Variants in VTA1 observed in about 807,000 individuals in gnomAD.
VTA1 encodes the protein vesicle trafficking 1.
A neutral mutation model predicts 36.9 loss-of-function variants in VTA1; 24 were observed. The observed-to-expected ratio is 0.65, with a 90% CI of 0.47 to 0.91. VTA1 has a LOEUF of 0.91. VTA1 is among the 40% of genes least tolerant of loss of function. The pLI is 0.00. For missense variants in VTA1, 393 were observed against 377.2 expected, an observed-to-expected ratio of 1.04 and a Z score of -0.35; for synonymous variants, 142 against 130.2, an observed-to-expected ratio of 1.09 and a Z score of -0.62.
intron 4 of VTA1, among the ~76,000 whole-genome samples, chr6:142,173,102 G>A (rs1474256595): frequency 1.3e-5 from 2 of 152,234 alleles, no homozygotes; most frequent in East Asian, 1.9e-4. Context: ...AAAATTTGAG[G>A]TGCAAGTATG....
At chr6:142,174,335 C>T (rs775777456) in intron 4 of VTA1, among the ~76,000 whole-genome samples, 1 of 152,182 alleles carries the variant, frequency 6.6e-6, no homozygotes, top group East Asian at 1.9e-4. Flanking sequence ...AGTTTAATGT[C>T]TACTATGTTG....
At chr6:142,151,437 C>T (rs1337043515) in intron 1 of VTA1, among the ~76,000 whole-genome samples, 1 of 152,010 alleles carries the variant, frequency 6.6e-6, no homozygotes, top group East Asian at 1.9e-4. Flanking sequence ...AGAGCAAAAC[C>T]AAGAACAAAG....
At chr6:142,173,435 T>A (rs1775063732) in intron 4 of VTA1, among the ~76,000 whole-genome samples, 1 of 152,234 alleles carries the variant, frequency 6.6e-6, no homozygotes, top group African/African-American at 2.4e-5. Context: ...CATGCCTGGC[T>A]AATTTTTTGT....
At chr6:142,217,569 C>T (rs961798865) in intron 7 of VTA1, among the ~76,000 whole-genome samples, 6 of 150,920 alleles carry the variant, frequency 4.0e-5, no homozygotes, top group African/African-American at 7.3e-5. Context: ...TATACACACA[C>T]GCAGCATAAA....
At chr6:142,166,202 T>C (rs1774909870) in intron 1 of VTA1, 26 bp from the exon 2 acceptor site, 1 of 1,516,446 alleles carries the variant, frequency 6.6e-7, no homozygotes, top group Non-Finnish European at 9.1e-7. Flanking sequence ...ATGAAATTGT[T>C]CAAATTATCT....
At chr6:142,161,137 A>G in intron 1 of VTA1, among the ~76,000 whole-genome samples, 1 of 135,408 alleles carries the variant, frequency 7.4e-6, no homozygotes, top group African/African-American at 2.9e-5. Context: ...TTTGGAAAGT[A>G]GTTAGATATG....
At chr6:142,195,737 G>T (rs529709506) in intron 5 of VTA1, among the ~76,000 whole-genome samples, 4 of 150,226 alleles carry the variant, frequency 2.7e-5, no homozygotes, top group African/African-American at 9.8e-5. Flanking sequence ...GCAAATTTTG[G>T]TATCACTCAG....
intron 7 of VTA1, among the ~76,000 whole-genome samples, chr6:142,217,250 T>A (rs930601313): frequency 3.3e-5 from 5 of 152,170 alleles, no homozygotes; most frequent in African/African-American, 9.7e-5. Flanking sequence ...CTAGTAAGTA[T>A]ATGTGTATTT....
chr6:142,195,849 C>T (rs1385480530), intron 5 of VTA1, among the ~76,000 whole-genome samples: 2 of 151,850 alleles, frequency 1.3e-5, no homozygotes, highest in African/African-American at 2.4e-5. Context: ...TTGTAGATAT[C>T]TTACTGATTT....
At chr6:142,161,982 G>T (rs927410813) in intron 1 of VTA1, among the ~76,000 whole-genome samples, 4 of 152,054 alleles carry the variant, frequency 2.6e-5, no homozygotes, top group African/African-American at 9.7e-5. Context: ...ATGCTGAGAG[G>T]ATCCAATTCT....
intron 1 of VTA1, among the ~76,000 whole-genome samples, chr6:142,164,262 G>A (rs1259344092): frequency 6.6e-6 from 1 of 152,146 alleles, no homozygotes; most frequent in East Asian, 1.9e-4. Flanking sequence ...TTTGATCTGA[G>A]ATCAAATTAG....
At chr6:142,181,197 G>A (rs1465106606) in intron 4 of VTA1, among the ~76,000 whole-genome samples, 1 of 141,504 alleles carries the variant, frequency 7.1e-6, no homozygotes, top group East Asian at 2.0e-4. Context: ...GCAGTGGCGC[G>A]ATCTCACCTC....
At chr6:142,215,620 C>T (rs986548433) in intron 7 of VTA1, among the ~76,000 whole-genome samples, 4 of 152,050 alleles carry the variant, frequency 2.6e-5, no homozygotes, top group African/African-American at 9.7e-5. Context: ...GTGTTCCATC[C>T]AAGTCAAAGG....
At chr6:142,190,767 A>G (rs1417005797) in intron 5 of VTA1, among the ~76,000 whole-genome samples, 7 of 152,200 alleles carry the variant, frequency 4.6e-5, no homozygotes, top group Non-Finnish European at 1.0e-4. Context: ...AAATATTTTC[A>G]GTTTATGAAT....
intron 5 of VTA1, among the ~76,000 whole-genome samples, chr6:142,198,113 ATATATATGTGTGTGTGTG>A (rs1775595992): frequency 8.5e-6 from 1 of 116,970 alleles, no homozygotes; most frequent in African/African-American, 3.6e-5. Context: ...AAATATATAT[ATATATATGTGTGTGTGTG>A]TGTGTGTGTG....
intron 5 of VTA1, among the ~76,000 whole-genome samples, chr6:142,194,534 T>A (rs1775511525): frequency 6.6e-6 from 1 of 152,156 alleles, no homozygotes; most frequent in Non-Finnish European, 1.5e-5. Context: ...ATGAAATTAA[T>A]TTTTTAATTT....
rs3830800 is a variant in VTA1 at position 142,189,539 on chromosome 6, GTATT to G, written c.520+14_520+17del. On this transcript the variant is annotated splice_donor_region_variant and intron_variant, in intron 5 of 7. Transcript: ENST00000367630. ...TTGGAATTGAAGAAGATAATGGTAT[GTATT>G]TATTTATTCTGAGTAAAAGGACTTA... 0.47 allele frequency: 747,835 copies of G among 1,592,536 alleles called. 187,789 individuals are homozygous for G. The highest frequency in any genetic ancestry group is 0.55 in the Middle Eastern group (3,312 of 5,998).
At position 142,189,136 on chromosome 6, in the gene VTA1, A is replaced by G. The variant is rs112788727; in HGVS notation, c.412-290A>G. 7.8e-3 allele frequency among the ~76,000 whole-genome samples: 1,194 copies of G among 152,194 alleles called. 22 individuals carry two copies. The highest frequency in any genetic ancestry group is 0.027 in the African/African-American group (1,141 of 41,512). On this transcript the variant is annotated intron_variant, in intron 4 of 7. Coordinates refer to ENST00000367630, the MANE Select transcript of VTA1 (RefSeq NM_016485.5). Reference sequence around the variant, plus strand: ...TTCTCCCCTGTGCAGAAGAGTTGCAAATTTTGCTGGAAGGACACTCCTGTT... The same window carrying G: ...TTCTCCCCTGTGCAGAAGAGTTGCAGATTTTGCTGGAAGGACACTCCTGTT...
rs575881373 is a variant in VTA1, at chr6:142,219,362, G to A, written c.*719G>A. The stretch of plus-strand genomic sequence containing the variant: ...AGGCAGTTTGACTGCATGTATTAGA[G>A]AATGAAAAGAAGATATTTGTAGTAA... On this transcript the variant is annotated 3_prime_UTR_variant, in exon 8 of 8. Transcript: ENST00000367630. 104 of 152,300 alleles carry A rather than the reference G, an allele frequency of 6.8e-4. No individual in the cohort carries two copies. Among genetic ancestry groups the A allele is most frequent in the African/African-American group, 2.5e-3 (103 of 41,578 alleles). The allele number at this position is 152,300 out of a possible 1,614,324, so 9.4% of individuals were successfully genotyped here.
Sources: allele counts gnomAD v4.1 joint callset (sites outside exome capture counted in the v4.1 genomes callset), GRCh38; gene constraint gnomAD v4.1.1; transcripts MANE v1.5; gene names NCBI Gene and HGNC (gene_info 2026-07-23, HGNC 2026-07-21).